The following SORCS1 variants were observed in gnomAD, a reference collection of about 807,000 sequenced individuals.
The protein encoded by SORCS1 is sortilin related VPS10 domain containing receptor 1, also known as VPS10 domain-containing receptor SorCS1.
Under a neutral mutation model 146.1 loss-of-function variants are expected in SORCS1, and 60 were observed. The ratio of observed to expected loss-of-function variants is 0.41; its 90% CI spans 0.33 to 0.51. The LOEUF (loss-of-function observed/expected upper bound fraction) is 0.51. SORCS1 is among the 20% of genes least tolerant of loss of function. The pLI, the probability that SORCS1 is intolerant of heterozygous loss-of-function variation, is 0.21. For missense variants in SORCS1, 1,352 were observed against 1,487.6 expected, an observed-to-expected ratio of 0.91 and a Z score of 1.50; for synonymous variants, 637 against 584.0, an observed-to-expected ratio of 1.09 and a Z score of -1.31.
At chr10:107,106,517 T>C (rs1358044651) in intron 1 of SORCS1, among the ~76,000 whole-genome samples, 1 of 152,186 alleles carries the variant, frequency 6.6e-6, no homozygotes, top group Non-Finnish European at 1.5e-5. Context: ...TATATCTAAA[T>C]ATTGAATGGC....
intron 2 of SORCS1, among the ~76,000 whole-genome samples, chr10:106,952,379 T>G (rs930296546): frequency 1.3e-5 from 2 of 151,906 alleles, no homozygotes; most frequent in Non-Finnish European, 2.9e-5. Context: ...GCTAGACAAC[T>G]CAGAACCATA....
intron 19 of SORCS1, among the ~76,000 whole-genome samples, chr10:106,624,369 T>A (rs1307921535): frequency 7.3e-6 from 1 of 136,204 alleles, no homozygotes; most frequent in Non-Finnish European, 1.6e-5. Context: ...TTTTTTTTTT[T>A]TTTTTTTTTG....
chr10:107,029,980 A>C (rs2133923434), intron 1 of SORCS1, among the ~76,000 whole-genome samples: 1 of 152,334 alleles, frequency 6.6e-6, no homozygotes, highest in Middle Eastern at 3.4e-3. Context: ...GAGAGTGGAA[A>C]GTAGAGGAGC....
At chr10:106,925,576 T>C (rs1335998576) in intron 2 of SORCS1, among the ~76,000 whole-genome samples, 1 of 152,174 alleles carries the variant, frequency 6.6e-6, no homozygotes, top group African/African-American at 2.4e-5. Context: ...CAGCAATCTC[T>C]TCCCTCACTG....
chr10:106,579,783 A>C (rs1844795041), intron 24 of SORCS1, among the ~76,000 whole-genome samples: 1 of 152,052 alleles, frequency 6.6e-6, no homozygotes, highest in Non-Finnish European at 1.5e-5. Flanking sequence ...AATGTACCTT[A>C]TGTGGTAAAA....
At chr10:106,968,624 C>A (rs1421648518) in intron 1 of SORCS1, among the ~76,000 whole-genome samples, 1 of 152,150 alleles carries the variant, frequency 6.6e-6, no homozygotes, top group African/African-American at 2.4e-5. Flanking sequence ...TATTATTTTT[C>A]AAGGTTAACA....
chr10:106,878,650 T>TATATATATATATATATATATA (rs1344451408), intron 2 of SORCS1, among the ~76,000 whole-genome samples: 8 of 66,828 alleles, frequency 1.2e-4, no homozygotes, highest in East Asian at 8.4e-4. Flanking sequence ...ATATATATAT[T>TATATATATATATATATATATA]TTATAGCAGC....
intron 2 of SORCS1, among the ~76,000 whole-genome samples, chr10:106,856,489 T>A (rs542896906): frequency 1.4e-4 from 22 of 152,306 alleles, no homozygotes; most frequent in Admixed American, 1.4e-3. Flanking sequence ...TTCCCCCTAG[T>A]CAGTTATGGT....
At chr10:106,672,701 TATTA>T (rs1405895412) in intron 15 of SORCS1, among the ~76,000 whole-genome samples, 163 bp downstream of exon 15, 8 of 152,190 alleles carry the variant, frequency 5.3e-5, no homozygotes, top group African/African-American at 1.9e-4. Flanking sequence ...CACAACAAGC[TATTA>T]ATGGTGAGTT....
At chr10:106,588,342 C>T (rs1194372195) in intron 24 of SORCS1, among the ~76,000 whole-genome samples, 1 of 152,148 alleles carries the variant, frequency 6.6e-6, no homozygotes, top group Non-Finnish European at 1.5e-5. Context: ...ATATTTATTA[C>T]TAATTTCCTC....
intron 3 of SORCS1, among the ~76,000 whole-genome samples, chr10:106,794,993 G>T (rs115164464): frequency 6.6e-6 from 1 of 152,102 alleles, no homozygotes; most frequent in African/African-American, 2.4e-5. Context: ...CACTTCTTAT[G>T]TCTGATCCTT....
At chr10:106,926,273 T>C (rs1433679955) in intron 2 of SORCS1, among the ~76,000 whole-genome samples, 2 of 152,272 alleles carry the variant, frequency 1.3e-5, no homozygotes. Context: ...CAAGCCATTA[T>C]GCAGCCATTA....
chr10:106,629,361 C>T lies in SORCS1; in HGVS notation c.2503G>A (p.Val835Met), dbSNP rs1250265136. 1 of 1,614,134 alleles carries T rather than the reference C, an allele frequency of 6.2e-7. No homozygotes were observed. Among genetic ancestry groups the T allele is most frequent in the Non-Finnish European group, 8.5e-7 (1 of 1,179,988 alleles). The change falls in exon 19 of 26, where the codon GTG becomes ATG. Residue 835 changes from valine to methionine, a missense_variant. This residue lies in a region of SORCS1 where 648 missense variants were observed against 793.8 expected (regional missense o/e 0.82). Coordinates refer to ENST00000263054, the MANE Select transcript of SORCS1 (RefSeq NM_052918.5). The part of the protein sequence containing the change: ...EGDVQRTLIQ[V>M]DFGDGIAVSY... ...ACCGCGATACCATCGCCAAAGTCCACTTGGATGAGTGTCCGCTGAACATCA... is the reference window on the plus strand; with the variant it reads ...ACCGCGATACCATCGCCAAAGTCCATTTGGATGAGTGTCCGCTGAACATCA...
intron 3 of SORCS1, among the ~76,000 whole-genome samples, chr10:106,790,299 C>T (rs559029914): frequency 2.6e-5 from 4 of 152,194 alleles, no homozygotes; most frequent in African/African-American, 9.6e-5. Flanking sequence ...TCCTGATGCT[C>T]ACCACACAGA....
rs1257906931 is a variant in SORCS1, at chr10:107,068,418, T to G, written c.558+95551A>C. Among the ~76,000 whole-genome samples, 8 of 152,310 alleles carry G rather than the reference T, an allele frequency of 5.3e-5. No individual in the cohort carries two copies. The East Asian group carries it at 1.5e-3, about 29-fold the overall frequency. On this transcript the variant is annotated intron_variant, in intron 1 of 25. Transcript: ENST00000263054. Reference sequence around the variant, plus strand: ...GAAGTCACACATGCCTTATACCAGTTAAACCTTATGACAAATCACCAGGAA... The same window carrying G: ...GAAGTCACACATGCCTTATACCAGTGAAACCTTATGACAAATCACCAGGAA...
intron 1 of SORCS1, among the ~76,000 whole-genome samples, chr10:107,089,995 A>G (rs1744738554): frequency 6.6e-6 from 1 of 152,190 alleles, no homozygotes; most frequent in Non-Finnish European, 1.5e-5. Context: ...CCATCGACCC[A>G]CCAAATCCCT....
intron 2 of SORCS1, among the ~76,000 whole-genome samples, chr10:106,862,949 T>C (rs969670652): frequency 6.6e-6 from 1 of 152,224 alleles, no homozygotes; most frequent in African/African-American, 2.4e-5. Context: ...TTATACATTG[T>C]CAAATATGCA....
intron 1 of SORCS1, among the ~76,000 whole-genome samples, chr10:106,990,083 C>A (rs1038307348): frequency 9.2e-5 from 14 of 152,124 alleles, no homozygotes; most frequent in Non-Finnish European, 1.3e-4. Context: ...GGAAACATTT[C>A]TTTTGCAATG....
At chr10:106,890,104 G>A (rs1951173237) in intron 2 of SORCS1, among the ~76,000 whole-genome samples, 1 of 152,010 alleles carries the variant, frequency 6.6e-6, no homozygotes, top group African/African-American at 2.4e-5. Flanking sequence ...TTACCGGGAT[G>A]GCAAGCAGAA....
Sources: gnomAD v4.1 joint callset for allele counts (sites outside exome capture counted in the v4.1 genomes callset) on GRCh38, gnomAD v4.1.1 for gene constraint, gnomAD v4.1.1 regional missense constraint, MANE v1.5 for transcripts, NCBI Gene and HGNC (gene_info 2026-07-23, HGNC 2026-07-21) for gene names.